The following GRIK3 variants were observed in gnomAD, a reference collection of about 807,000 sequenced individuals.
GRIK3 encodes glutamate receptor ionotropic, kainate 3.
A neutral mutation model predicts 102.5 loss-of-function variants in GRIK3; 29 were observed. That is an observed-to-expected ratio of 0.28 (90% confidence interval 0.21 to 0.39). GRIK3 has a LOEUF of 0.39. Among genes scored for constraint, GRIK3 ranks in the 10% least tolerant of loss-of-function variants. GRIK3 has a pLI of 1.00. For missense variants in GRIK3, 908 were observed against 1,252.4 expected (o/e 0.73, Z 4.15); for synonymous variants, 511 against 504.9 (o/e 1.01, Z -0.16).
intron 1 of GRIK3, among the ~76,000 whole-genome samples, chr1:37,021,091 AGTGT>A (rs140990633): frequency 0.026 from 3,692 of 143,928 alleles, 78 homozygotes; most frequent in African/African-American, 0.053. Context: ...CAAATTTGCA[AGTGT>A]GTGTGTGTGT....
chr1:36,963,142 A>C (rs1557443513), intron 1 of GRIK3, among the ~76,000 whole-genome samples: 2 of 152,136 alleles, frequency 1.3e-5, no homozygotes, highest in Non-Finnish European at 2.9e-5. Context: ...GGTCGGCTGC[A>C]TGCCCAGTGT....
intron 2 of GRIK3, among the ~76,000 whole-genome samples, chr1:36,886,404 G>C (rs1641037859): frequency 6.6e-6 from 1 of 152,188 alleles, no homozygotes; most frequent in Non-Finnish European, 1.5e-5. Context: ...AGGTTCCTTG[G>C]AAGAGTCCTA....
chr1:37,029,292 T>C (rs1569585830), intron 1 of GRIK3, among the ~76,000 whole-genome samples: 1 of 152,326 alleles, frequency 6.6e-6, no homozygotes, highest in Non-Finnish European at 1.5e-5. Flanking sequence ...GCCTGCTGGG[T>C]GCTAGCCTCA....
At chr1:36,986,147 G>A (rs528927458) in intron 1 of GRIK3, among the ~76,000 whole-genome samples, 10 of 152,220 alleles carry the variant, frequency 6.6e-5, no homozygotes, top group Non-Finnish European at 1.5e-4. Flanking sequence ...CCTCCTCTCT[G>A]AGCTTCCAGA....
intron 1 of GRIK3, among the ~76,000 whole-genome samples, chr1:36,945,680 G>A (rs887375796): frequency 6.6e-6 from 1 of 152,168 alleles, no homozygotes; most frequent in African/African-American, 2.4e-5. Flanking sequence ...GGCTTCAAAG[G>A]TTCTTTTGGT....
At chr1:37,010,727 CTTTTTTTTTTTT>C (rs60750637) in intron 1 of GRIK3, among the ~76,000 whole-genome samples, 594 of 102,550 alleles carry the variant, frequency 5.8e-3, no homozygotes, top group Admixed American at 0.01. Context: ...ACCTGTACCA[CTTTTTTTTTTTT>C]TTTTTTTTTT....
Position 36,850,111 on chromosome 1 carries a change from G to T in GRIK3, c.1326+200C>A. On this transcript the variant is annotated intron_variant, in intron 9 of 15. Transcript: ENST00000373091. This position sits in a 1 kb window ranked among gnomAD's most constrained non-coding sequence, Gnocchi z 4.0. ...GTGAGTGGGAGTGAGACACAAAAAC[G>T]CAGCGGCTTCCGCCCGTGGCAGCGA... 1.8e-6 allele frequency: 1 copy of T among 563,768 alleles called. No individual in the cohort carries two copies. The highest frequency in any genetic ancestry group is 3.0e-5 in the East Asian group (1 of 33,716). The allele number at this position is 563,768 out of a possible 1,614,324, so 34.9% of individuals were successfully genotyped here.
At chr1:36,873,686 C>T (rs1640870113) in intron 3 of GRIK3, among the ~76,000 whole-genome samples, 1 of 150,696 alleles carries the variant, frequency 6.6e-6, no homozygotes, top group African/African-American at 2.4e-5. Flanking sequence ...TGGGGAAAAA[C>T]TTCTCCCCCA....
At chr1:36,967,974 C>T (rs1246661558) in intron 1 of GRIK3, among the ~76,000 whole-genome samples, 1 of 152,158 alleles carries the variant, frequency 6.6e-6, no homozygotes, top group African/African-American at 2.4e-5. Flanking sequence ...AACAGAGGCC[C>T]AGATTCAGTG....
chr1:36,876,186 G>T (rs1047686580), intron 3 of GRIK3, among the ~76,000 whole-genome samples: 1 of 152,086 alleles, frequency 6.6e-6, no homozygotes, highest in Admixed American at 6.6e-5. Context: ...GCAAGACTCT[G>T]ACTCTATAAA....
chr1:36,993,706 A>G lies in GRIK3; in HGVS notation c.115+40288T>C, dbSNP rs1049211018. On this transcript the variant is annotated intron_variant, in intron 1 of 15. Transcript: ENST00000373091. Reference sequence around the variant, plus strand: ...CCTGGGTTAGTCCCCTAGAGCCAGGAGTGCCCTCAGCCAGCACCTGCTTTT... The same window carrying G: ...CCTGGGTTAGTCCCCTAGAGCCAGGGGTGCCCTCAGCCAGCACCTGCTTTT... Among the ~76,000 whole-genome samples the G allele has an allele frequency of 3.3e-5, 5 of 152,306 alleles. No homozygotes were observed. In the East Asian group the frequency reaches 5.8e-4, roughly 18 times the overall value.
At chr1:37,022,542 C>A (rs965237898) in intron 1 of GRIK3, among the ~76,000 whole-genome samples, 8 of 152,160 alleles carry the variant, frequency 5.3e-5, no homozygotes, top group African/African-American at 1.9e-4. Flanking sequence ...ACAAATATTC[C>A]AGCTCTGCCC....
At chr1:36,935,578 C>G (rs1192062753) in intron 1 of GRIK3, among the ~76,000 whole-genome samples, 1 of 151,940 alleles carries the variant, frequency 6.6e-6, no homozygotes, top group South Asian at 2.1e-4. Flanking sequence ...CCGCACCCAG[C>G]AAAGATGAGA....
intron 1 of GRIK3, among the ~76,000 whole-genome samples, chr1:36,986,474 C>T (rs1168254626): frequency 1.3e-5 from 2 of 149,080 alleles, no homozygotes; most frequent in East Asian, 4.0e-4. Flanking sequence ...GCCCATCCAT[C>T]CATCCATCCA....
At chr1:36,984,767 C>A (rs1449139104) in intron 1 of GRIK3, among the ~76,000 whole-genome samples, 1 of 152,258 alleles carries the variant, frequency 6.6e-6, no homozygotes, top group Non-Finnish European at 1.5e-5. Flanking sequence ...CTGGGATCAT[C>A]TGACCACGTG....
At chr1:36,991,989 T>C (rs1240322335) in intron 1 of GRIK3, among the ~76,000 whole-genome samples, 2 of 152,146 alleles carry the variant, frequency 1.3e-5, no homozygotes, top group African/African-American at 2.4e-5. Context: ...ACTGGGAATC[T>C]GGGCAGGCCA....
At chr1:37,006,047 A>C (rs557518032) in intron 1 of GRIK3, among the ~76,000 whole-genome samples, 1 of 152,322 alleles carries the variant, frequency 6.6e-6, no homozygotes, top group Non-Finnish European at 1.5e-5. Flanking sequence ...AGGATGCTGT[A>C]GCCACCGGGA....
intron 1 of GRIK3, among the ~76,000 whole-genome samples, chr1:37,032,938 A>G (rs1247530369): frequency 6.6e-6 from 1 of 152,128 alleles, no homozygotes; most frequent in Non-Finnish European, 1.5e-5. Flanking sequence ...GTAGAGGAGG[A>G]AGGTGGCCCT....
chr1:36,899,696 T>C lies in GRIK3; in HGVS notation c.116-8600A>G, dbSNP rs771232728. ...AAGATGGCAAATTTTATGTTATTTGTATTTTACCACAATAAAAAAGTAAAT... is the reference window on the plus strand; with the variant it reads ...AAGATGGCAAATTTTATGTTATTTGCATTTTACCACAATAAAAAAGTAAAT... On this transcript the variant is annotated intron_variant, in intron 1 of 15. Coordinates refer to ENST00000373091, the MANE Select transcript of GRIK3 (RefSeq NM_000831.4). Among the ~76,000 whole-genome samples, 45 of 152,192 alleles carry C rather than the reference T, an allele frequency of 3.0e-4. 1 individual carries two copies. The highest frequency in any genetic ancestry group is 5.9e-5 in the Non-Finnish European group (4 of 68,026).
Sources: allele counts gnomAD v4.1 joint callset (sites outside exome capture counted in the v4.1 genomes callset), GRCh38; gene constraint gnomAD v4.1.1; non-coding constraint Gnocchi (gnomAD v3.1); transcripts MANE v1.5; gene names NCBI Gene and HGNC (gene_info 2026-07-23, HGNC 2026-07-21).